Variants in GCN1 observed in about 807,000 individuals in gnomAD.
GCN1 encodes stalled ribosome sensor GCN1.
Under a neutral mutation model 288.4 loss-of-function variants are expected in GCN1, and 90 were observed. The ratio of observed to expected loss-of-function variants is 0.31; its 90% confidence interval spans 0.26 to 0.37. The LOEUF is 0.37. Ranked by LOEUF, GCN1 falls within the 10% of genes least tolerant of loss-of-function variation. The pLI, the probability that GCN1 is intolerant of heterozygous loss-of-function variation, is 1.00. For synonymous variants in GCN1, 1,386 were observed against 1,420.2 expected, an observed-to-expected ratio of 0.98 and a Z score of 0.54; for missense variants, 2,586 against 3,419.9, an observed-to-expected ratio of 0.76 and a Z score of 6.08.
Position 120,141,017 on chromosome 12 carries a change from C to A in GCN1, c.5836G>T (p.Ala1946Ser). 6.2e-7 allele frequency: 1 copy of A among 1,612,498 alleles called. No homozygotes were observed. The highest frequency in any genetic ancestry group is 8.5e-7 in the Non-Finnish European group (1 of 1,179,016). The change falls in exon 45 of 58, where the codon GCG (alanine) becomes TCG (serine). Residue 1946 changes from alanine (A) to serine (S), a missense_variant. Ala to Ser is a moderately conservative substitution (Grantham distance 99). Transcript: ENST00000300648. ...STCADKRTIA[A>S]RTLGDLVRKL... ...CGCACAAGATCTCCCAATGTTCTCG[C>A]TGCAATCTGTCAACAGAGACCAATC...
Position 120,155,447 on chromosome 12 carries a change from G to A in GCN1, c.3441-17C>T. 2 of 1,611,130 alleles carry A rather than the reference G, an allele frequency of 1.2e-6. No individual in the cohort carries two copies. Among genetic ancestry groups the A allele is most frequent in the Non-Finnish European group, 1.7e-6 (2 of 1,178,156 alleles). ...GACCAGAGCCTGTGGGAGATCCAAG[G>A]CAGGGGCTGCTTAGACAAAGATCTG... is the stretch of plus-strand genomic sequence containing the variant. On this transcript the variant is annotated splice_polypyrimidine_tract_variant and intron_variant, in intron 29 of 57. Transcript: ENST00000300648. The surrounding 1 kb of genome is among the most constrained non-coding windows in gnomAD (Gnocchi z 4.9).
intron 51 of GCN1, among the ~76,000 whole-genome samples, chr12:120,135,457 G>A (rs1422603037): frequency 2.6e-5 from 4 of 151,856 alleles, no homozygotes; most frequent in Non-Finnish European, 4.4e-5. Flanking sequence ...TCCGCCTCCC[G>A]GGTTTAAGCA....
intron 5 of GCN1, among the ~76,000 whole-genome samples, chr12:120,180,853 G>T (rs1878633376): frequency 6.6e-6 from 1 of 151,904 alleles, no homozygotes; most frequent in Admixed American, 6.6e-5. Flanking sequence ...AGCTGGGCAT[G>T]GTGGCAGGCG....
At chr12:120,154,589 T>C (rs1327227770) in intron 31 of GCN1, among the ~76,000 whole-genome samples, 2 of 152,206 alleles carry the variant, frequency 1.3e-5, no homozygotes, top group African/African-American at 2.4e-5. Context: ...GTGCCCTGCA[T>C]ATAGATGAGG....
At position 120,162,270 on chromosome 12, in the gene GCN1, G is replaced by A. The variant is rs974143178; in HGVS notation, c.2164-212C>T. 5 of 575,940 alleles carry A rather than the reference G, an allele frequency of 8.7e-6. No homozygotes were observed. In the African/African-American group the frequency reaches 9.4e-5, roughly 11 times the overall value. The allele number at this position is 575,940 out of a possible 1,614,324, so 35.7% of individuals were successfully genotyped here. A position where few individuals can be genotyped will look rare whatever the true frequency, so the allele number is the denominator to read the frequency against. Reference sequence around the variant, plus strand: ...TGTCTGACACAGCACCTGACGTGAGGTGATACACTCCTTCCCAATTCTCAA... The same window carrying A: ...TGTCTGACACAGCACCTGACGTGAGATGATACACTCCTTCCCAATTCTCAA... On this transcript the variant is annotated intron_variant, in intron 20 of 57. Transcript: ENST00000300648.
Position 120,134,425 on chromosome 12 carries a change from C to T in GCN1, c.7203-20G>A, listed in dbSNP as rs1317197127. 6.3e-7 allele frequency: 1 copy of T among 1,599,476 alleles called. No homozygotes were observed. The highest frequency in any genetic ancestry group is 8.6e-7 in the Non-Finnish European group (1 of 1,166,818). On this transcript the variant is annotated intron_variant, in intron 52 of 57. Transcript: ENST00000300648. The surrounding 1 kb of genome is among the most constrained non-coding windows in gnomAD (Gnocchi z 5.0). ...GTGTCCCTGCAGAAGCAATGCACCG[C>T]CTTAAGCCCTGGGTGCCTCCACCAC...
Position 120,168,289 on chromosome 12 carries a change from T to C in GCN1, c.1531A>G (p.Ser511Gly). The change falls in exon 16 of 58, where the codon AGC becomes GGC. Residue 511 changes from serine (S) to glycine (G), a missense_variant. Ser to Gly is a moderately conservative substitution (Grantham distance 56). Coordinates refer to ENST00000300648, the MANE Select transcript of GCN1 (RefSeq NM_006836.2). ...VADSQAEAKL[S>G]SFWQLIVDEK... ...TCCACAATCAACTGCCAGAAACTGC[T>C]CAGTTTGGCCTCTGCAAGAAACAAA... 1 of 1,602,054 alleles carries C rather than the reference T, an allele frequency of 6.2e-7. No individual in the cohort carries two copies. The highest frequency in any genetic ancestry group is 8.6e-7 in the Non-Finnish European group (1 of 1,169,066).
chr12:120,164,665 G>A lies in GCN1; in HGVS notation c.1669C>T (p.Leu557Phe), dbSNP rs753580477. The stretch of plus-strand genomic sequence containing the variant: ...ACGTACTGAACTTTGTTGCCAGTGA[G>A]TCTATGCGGGTGGTCAAGGAAAAGT... The part of the protein sequence containing the change: ...ERLFLDHPHR[L>F]TGNKVQQYHR... Residue 557 changes from leucine (L) to phenylalanine (F), a missense_variant, in exon 17 of 58, where the codon CTC (leucine) becomes TTC (phenylalanine). Leu to Phe is a conservative substitution (Grantham distance 22). Transcript: ENST00000300648. 4.1e-5 allele frequency: 66 copies of A among 1,613,642 alleles called. No individual in the cohort carries two copies. In the East Asian group the frequency reaches 1.2e-3, roughly 29 times the overall value.
intron 1 of GCN1, among the ~76,000 whole-genome samples, chr12:120,193,308 ATT>A (rs937843040): frequency 1.4e-5 from 2 of 147,336 alleles, no homozygotes; most frequent in African/African-American, 2.5e-5. Flanking sequence ...GAAGAACTAA[ATT>A]TTTTTTTTTT....
At position 120,163,186 on chromosome 12, in the gene GCN1, C is replaced by T. The variant is rs375482876; in HGVS notation, c.1922G>A (p.Arg641Gln). 9.3e-6 allele frequency: 15 copies of T among 1,613,772 alleles called. No homozygotes were observed. The highest frequency in any genetic ancestry group is 1.3e-5 in the African/African-American group (1 of 75,054). Residue 641 changes from arginine (R) to glutamine (Q), a missense_variant, in exon 19 of 58, where the codon CGG (arginine) becomes CAG (glutamine). Arg to Gln is a conservative substitution (Grantham distance 43). Coordinates refer to ENST00000300648, the MANE Select transcript of GCN1 (RefSeq NM_006836.2). ...GACACACAGAGCCTCCTGCAGGACC[C>T]GTGGAGGCACGTAGGCCTTGCCTGC... ...TEAGKAYVPPRVLQEALCVIS... is the reference protein window; with the variant it reads ...TEAGKAYVPPQVLQEALCVIS...
rs1594280871 is a variant in GCN1 at position 120,169,304 on chromosome 12, A to AG, written c.1519+864_1519+865insC. 4.3e-5 allele frequency among the ~76,000 whole-genome samples: 6 copies of AG among 139,086 alleles called. No homozygotes were observed. The East Asian group carries it at 1.1e-3, about 26-fold the overall frequency. 91.2% of individuals were successfully genotyped at this position (139,086 alleles called of 152,430 possible). ...AAAAAAAAAAAAAAAAAGAAAAAAAAAAAAGAAAAGAAAGCCTGAAATACG... is the reference window on the plus strand; with the variant it reads ...AAAAAAAAAAAAAAAAAGAAAAAAAAGAAAAGAAAAGAAAGCCTGAAATACG... On this transcript the variant is annotated intron_variant, in intron 15 of 57. Transcript: ENST00000300648.
At chr12:120,173,535 G>C in intron 14 of GCN1, 118 bp downstream of exon 14, 1 of 688,414 alleles carries the variant, frequency 1.5e-6, no homozygotes, top group South Asian at 1.9e-5. Flanking sequence ...ATTTCAGGAA[G>C]AATTAAACAG....
At chr12:120,180,714 C>T (rs1016569747) in intron 5 of GCN1, among the ~76,000 whole-genome samples, 30 of 148,186 alleles carry the variant, frequency 2.0e-4, no homozygotes, top group Admixed American at 1.8e-3. Flanking sequence ...TGTGGCCGGG[C>T]GCGGTGGCTC....
intron 5 of GCN1, among the ~76,000 whole-genome samples, chr12:120,182,438 C>T (rs1429101851): frequency 6.6e-6 from 1 of 152,180 alleles, no homozygotes; most frequent in Non-Finnish European, 1.5e-5. Flanking sequence ...CTTCATGGAG[C>T]GGTACTTGTG....
intron 2 of GCN1, among the ~76,000 whole-genome samples, chr12:120,185,664 G>A (rs1382704066): frequency 6.6e-6 from 1 of 152,102 alleles, no homozygotes; most frequent in Non-Finnish European, 1.5e-5. Context: ...GCAGTAGTGC[G>A]ATCTCGGCTC....
In GCN1 at chr12:120,158,822, C is replaced by T. The variant is rs909407579; in HGVS notation, c.2750-207G>A. The stretch of plus-strand genomic sequence containing the variant: ...GGTCAGGAGATTGAGACCATCCTGG[C>T]TAACACGGTGAAACCCCATCTCTAC... On this transcript the variant is annotated intron_variant, in intron 24 of 57. Transcript: ENST00000300648. The surrounding 1 kb of genome is among the most constrained non-coding windows in gnomAD (Gnocchi z 4.3). Among the ~76,000 whole-genome samples, 2 of 152,078 alleles carry T rather than the reference C, an allele frequency of 1.3e-5. No individual in the cohort carries two copies. Among genetic ancestry groups the T allele is most frequent in the Admixed American group, 6.6e-5 (1 of 15,252 alleles).
intron 9 of GCN1, among the ~76,000 whole-genome samples, chr12:120,176,772 C>G (rs545557121): frequency 6.6e-6 from 1 of 151,634 alleles, no homozygotes; most frequent in Non-Finnish European, 1.5e-5. Flanking sequence ...GACTTTTTCT[C>G]TTTCTTTTTT....
chr12:120,194,500 C>G (rs1403141845), intron 1 of GCN1, among the ~76,000 whole-genome samples, 180 bp downstream of exon 1: 1 of 152,102 alleles, frequency 6.6e-6, no homozygotes, highest in South Asian at 2.1e-4. Flanking sequence ...TCTGCCTGCG[C>G]CGCCCGGGCC....
chr12:120,151,513 G>T, intron 33 of GCN1, 122 bp from the exon 34 acceptor site: 1 of 971,926 alleles, frequency 1.0e-6, no homozygotes, highest in Non-Finnish European at 1.5e-6. Flanking sequence ...CTCAGCCACT[G>T]CCTGCGGATG....
Sources: gnomAD v4.1 joint callset for allele counts (sites outside exome capture counted in the v4.1 genomes callset) on GRCh38, gnomAD v4.1.1 for gene constraint, Gnocchi (gnomAD v3.1) non-coding constraint, MANE v1.5 for transcripts, NCBI Gene and HGNC (gene_info 2026-07-23, HGNC 2026-07-21) for gene names.